The following PARD3B variants were observed in gnomAD, a reference collection of about 807,000 sequenced individuals.
PARD3B encodes the protein par-3 family cell polarity regulator beta, also known as partitioning defective 3 homolog B.
PARD3B carries 103 observed loss-of-function variants against 130.2 expected under a neutral mutation model. The observed-to-expected ratio is 0.79, with a 90% confidence interval of 0.67 to 0.93. The LOEUF is 0.93. PARD3B is among the 40% of genes least tolerant of loss of function. The pLI, the probability that PARD3B is intolerant of heterozygous loss-of-function variation, is 0.00. For missense variants in PARD3B, 1,609 were observed against 1,499.2 expected (o/e 1.07, Z -1.21); for synonymous variants, 583 against 553.2 (o/e 1.05, Z -0.76).
At chr2:204,668,121 T>C (rs1247535945) in intron 1 of PARD3B, among the ~76,000 whole-genome samples, 3 of 152,080 alleles carry the variant, frequency 2.0e-5, no homozygotes, top group African/African-American at 7.2e-5. Flanking sequence ...TTCCCCAATC[T>C]GAAAGGACTG....
chr2:205,449,061 GA>G (rs1437288740), intron 20 of PARD3B, among the ~76,000 whole-genome samples: 1 of 151,104 alleles, frequency 6.6e-6, no homozygotes, highest in African/African-American at 2.4e-5. Context: ...AGCTACTTGG[GA>G]GGCTGAGGCA....
chr2:204,599,057 GA>G (rs34247875), intron 1 of PARD3B, among the ~76,000 whole-genome samples: 53 of 145,752 alleles, frequency 3.6e-4, no homozygotes, highest in African/African-American at 1.2e-3. Context: ...TTTACAGTTT[GA>G]AAAAAAAAAG....
At chr2:204,591,412 C>G (rs768889998) in intron 1 of PARD3B, among the ~76,000 whole-genome samples, 1 of 152,178 alleles carries the variant, frequency 6.6e-6, no homozygotes, top group African/African-American at 2.4e-5. Flanking sequence ...CGAAAGAATA[C>G]CAGCTTTTTT....
At chr2:204,842,202 G>A (rs1448021586) in intron 2 of PARD3B, among the ~76,000 whole-genome samples, 1 of 152,034 alleles carries the variant, frequency 6.6e-6, no homozygotes, top group Non-Finnish European at 1.5e-5. Flanking sequence ...ATTTTTCAAA[G>A]CAATAGTCTT....
chr2:204,825,876 C>G (rs1434050318), intron 2 of PARD3B, among the ~76,000 whole-genome samples: 1 of 152,110 alleles, frequency 6.6e-6, no homozygotes, highest in Non-Finnish European at 1.5e-5. Context: ...TCCTACTCTA[C>G]CTAGATTTTC....
intron 21 of PARD3B, among the ~76,000 whole-genome samples, chr2:205,527,988 G>T (rs575613527): frequency 2.7e-4 from 41 of 152,224 alleles, no homozygotes; most frequent in African/African-American, 9.9e-4. Flanking sequence ...GTTACTCATG[G>T]TCCATCATGC....
intron 19 of PARD3B, among the ~76,000 whole-genome samples, chr2:205,430,816 T>C (rs897756767): frequency 3.3e-5 from 5 of 152,146 alleles, no homozygotes; most frequent in Admixed American, 3.3e-4. Flanking sequence ...ACACCAAATG[T>C]AACGTACAAG....
chr2:204,879,340 G>C (rs971616335), intron 2 of PARD3B, among the ~76,000 whole-genome samples: 6 of 152,148 alleles, frequency 3.9e-5, no homozygotes, highest in African/African-American at 1.4e-4. Context: ...CATGCTCAAG[G>C]CTATTTGGAT....
chr2:204,986,087 C>G (rs967318584), intron 3 of PARD3B, among the ~76,000 whole-genome samples: 15 of 111,532 alleles, frequency 1.3e-4, no homozygotes, highest in African/African-American at 5.3e-4. Context: ...GACAACAGAG[C>G]GAGACTCTGT....
At chr2:205,331,119 A>T (rs2043108547) in intron 18 of PARD3B, among the ~76,000 whole-genome samples, 1 of 152,174 alleles carries the variant, frequency 6.6e-6, no homozygotes, top group South Asian at 2.1e-4. Flanking sequence ...AAACATATAC[A>T]TGTGACGACA....
intron 4 of PARD3B, among the ~76,000 whole-genome samples, chr2:205,054,432 ATATATTTTTTTTTTTT>A (rs1699486391): frequency 3.2e-5 from 1 of 30,976 alleles, no homozygotes; most frequent in Non-Finnish European, 5.3e-5. Flanking sequence ...ATATATATAT[ATATATTTTTTTTTTTT>A]TTTTTTTTTA....
chr2:204,778,833 C>T (rs892960889), intron 2 of PARD3B, among the ~76,000 whole-genome samples: 1 of 152,108 alleles, frequency 6.6e-6, no homozygotes, highest in Non-Finnish European at 1.5e-5. Flanking sequence ...TCTCCTATGA[C>T]TGTGCCAGTC....
intron 1 of PARD3B, among the ~76,000 whole-genome samples, chr2:204,621,535 T>C (rs962648599): frequency 3.3e-5 from 5 of 152,254 alleles, no homozygotes; most frequent in Non-Finnish European, 5.9e-5. Context: ...GAGTAAAATA[T>C]TCTAATATAT....
At chr2:204,954,512 T>A (rs1483094216) in intron 2 of PARD3B, among the ~76,000 whole-genome samples, 1 of 152,186 alleles carries the variant, frequency 6.6e-6, no homozygotes, top group African/African-American at 2.4e-5. Context: ...CCCTAACCAG[T>A]CTGGTGAAAT....
chr2:205,245,726 G>A, intron 15 of PARD3B, 52 bp from the exon 16 acceptor site: 2 of 1,397,926 alleles, frequency 1.4e-6, no homozygotes, highest in Non-Finnish European at 2.0e-6. Context: ...TTTAAAAATT[G>A]TCTGATTTAC....
chr2:205,464,512 G>A (rs2048557726), intron 20 of PARD3B, among the ~76,000 whole-genome samples: 1 of 152,176 alleles, frequency 6.6e-6, no homozygotes, highest in Non-Finnish European at 1.5e-5. Context: ...AGCAGCCAGA[G>A]AGGGGGGTTA....
chr2:205,193,225 T>G lies in PARD3B; in HGVS notation c.2045T>G (p.Val682Gly). The change falls in exon 15 of 23, where the codon GTA (valine) becomes GGA (glycine). Residue 682 changes from valine (V) to glycine (G), a missense_variant. Coordinates refer to ENST00000406610, the MANE Select transcript of PARD3B (RefSeq NM_001302769.2). ...CACAGCTCTGGGGTGGATTCAGCAG[T>G]ATATTTTCCAGATCAGCACATCAAC... is the stretch of plus-strand genomic sequence containing the variant. ...YSHSSGVDSA[V>G]YFPDQHINFR... 6.2e-7 allele frequency: 1 copy of G among 1,611,424 alleles called. No individual in the cohort carries two copies. The highest frequency in any genetic ancestry group is 1.1e-5 in the South Asian group (1 of 91,026).
rs56654511 is a variant in PARD3B at position 205,331,782 on chromosome 2, C to CAAAAAAAAAAAAAAAAA, written c.2630+30088_2630+30104dup. On this transcript the variant is annotated intron_variant, in intron 18 of 22. Coordinates refer to ENST00000406610, the MANE Select transcript of PARD3B (RefSeq NM_001302769.2). ...TGGGCGACAGAGTGAGACTCCGTCT[C>CAAAAAAAAAAAAAAAAA]AAAAAAAAAAAAAAAAAAAAAAAGA... Among the ~76,000 whole-genome samples, 111 of 48,396 alleles carry CAAAAAAAAAAAAAAAAA rather than the reference C, an allele frequency of 2.3e-3. 16 individuals are homozygous for CAAAAAAAAAAAAAAAAA. The highest frequency in any genetic ancestry group is 0.011 in the African/African-American group (99 of 9,296). 31.7% of individuals were successfully genotyped at this position (48,396 alleles called of 152,430 possible). A position where few individuals can be genotyped will look rare whatever the true frequency, so the allele number is the denominator to read the frequency against.
At chr2:205,381,387 T>G (rs1033239337) in intron 18 of PARD3B, among the ~76,000 whole-genome samples, 8 of 150,942 alleles carry the variant, frequency 5.3e-5, no homozygotes, top group African/African-American at 1.2e-4. Flanking sequence ...AAATCAAGTG[T>G]TCCATAATAG....
Sources: gnomAD v4.1 joint callset for allele counts (sites outside exome capture counted in the v4.1 genomes callset) on GRCh38, gnomAD v4.1.1 for gene constraint, MANE v1.5 for transcripts, NCBI Gene and HGNC (gene_info 2026-07-23, HGNC 2026-07-21) for gene names.